Variants in GRM7 observed in about 807,000 individuals in gnomAD.
GRM7 encodes the protein glutamate metabotropic receptor 7.
In GRM7, 35 loss-of-function variants were observed where a neutral mutation model predicts 84.5. The ratio of observed to expected loss-of-function variants is 0.41; its 90% CI spans 0.32 to 0.55. GRM7 has a LOEUF of 0.55. Ranked by LOEUF, GRM7 falls within the 20% of genes least tolerant of loss-of-function variation. The pLI is 0.19. For synonymous variants in GRM7, 487 were observed against 455.1 expected, an observed-to-expected ratio of 1.07 and a Z score of -0.89; for missense variants, 1,003 against 1,194.6, an observed-to-expected ratio of 0.84 and a Z score of 2.36.
At chr3:7,589,264 A>C (rs573145518) in intron 8 of GRM7, among the ~76,000 whole-genome samples, 1 of 152,348 alleles carries the variant, frequency 6.6e-6, no homozygotes, top group Admixed American at 6.5e-5. Context: ...TACCTTGTGC[A>C]TTATGTTTTT....
chr3:6,868,659 T>C (rs1695016916), intron 1 of GRM7, among the ~76,000 whole-genome samples: 1 of 152,114 alleles, frequency 6.6e-6, no homozygotes, highest in Non-Finnish European at 1.5e-5. Flanking sequence ...TCTACAAACC[T>C]CAAGTAGGGA....
intron 1 of GRM7, among the ~76,000 whole-genome samples, chr3:7,103,014 C>G (rs1699166599): frequency 6.6e-6 from 1 of 151,662 alleles, no homozygotes; most frequent in Non-Finnish European, 1.5e-5. Context: ...ACACATTTTT[C>G]TTGCTAATGC....
At chr3:6,879,500 A>G in intron 1 of GRM7, among the ~76,000 whole-genome samples, 1 of 152,230 alleles carries the variant, frequency 6.6e-6, no homozygotes. Context: ...CTGCTTATAT[A>G]CAGGGGTAAA....
chr3:7,477,535 A>C (rs76948363), intron 7 of GRM7, among the ~76,000 whole-genome samples: 2 of 152,192 alleles, frequency 1.3e-5, no homozygotes, highest in African/African-American at 4.8e-5. Context: ...CAGAGGTAAC[A>C]GATTTAGTTG....
chr3:7,732,348 T>C (rs576588085), intron 9 of GRM7, among the ~76,000 whole-genome samples: 4 of 152,088 alleles, frequency 2.6e-5, no homozygotes, highest in Admixed American at 2.6e-4. Context: ...ATACTTAAAG[T>C]TCTAATGTCA....
chr3:7,300,983 C>T (rs974455528), intron 3 of GRM7, among the ~76,000 whole-genome samples: 2 of 152,144 alleles, frequency 1.3e-5, no homozygotes, highest in Admixed American at 1.3e-4. Flanking sequence ...CCTAATGCTT[C>T]ATATTTAATA....
At chr3:7,356,388 A>G (rs1355594011) in intron 4 of GRM7, among the ~76,000 whole-genome samples, 4 of 144,042 alleles carry the variant, frequency 2.8e-5, no homozygotes, top group Admixed American at 1.4e-4. Flanking sequence ...TGCAGCCTCT[A>G]CCTCCCAAAT....
At position 7,200,315 on chromosome 3, in the gene GRM7, A is replaced by G. The variant is rs925317416; in HGVS notation, c.736+53647A>G. 3.3e-5 allele frequency among the ~76,000 whole-genome samples: 5 copies of G among 152,340 alleles called. No individual in the cohort carries two copies. The South Asian group carries it at 1.0e-3, about 32-fold the overall frequency. On this transcript the variant is annotated intron_variant, in intron 2 of 9. Transcript: ENST00000357716. ...TGGGAACAAACCACATTCAAATCAT[A>G]GCACCTTTAAAGAAATCAGAATATC... is the stretch of plus-strand genomic sequence containing the variant.
At chr3:7,369,759 T>C (rs1694056931) in intron 4 of GRM7, among the ~76,000 whole-genome samples, 1 of 152,146 alleles carries the variant, frequency 6.6e-6, no homozygotes, top group Non-Finnish European at 1.5e-5. Flanking sequence ...CTAATACTGA[T>C]CATACTCCCT....
intron 9 of GRM7, among the ~76,000 whole-genome samples, chr3:7,701,298 ATTTTTTTT>A (rs35986412): frequency 8.3e-6 from 1 of 120,482 alleles, no homozygotes; most frequent in African/African-American, 3.2e-5. Context: ...CTGTGGTTGC[ATTTTTTTT>A]TTTTTTTTTT....
At chr3:6,992,028 A>G (rs924529174) in intron 1 of GRM7, among the ~76,000 whole-genome samples, 1 of 152,084 alleles carries the variant, frequency 6.6e-6, no homozygotes, top group Non-Finnish European at 1.5e-5. Context: ...TCACGTAAGG[A>G]CAGAAAAAAC....
chr3:7,435,050 A>AT (rs1696986152), intron 5 of GRM7, among the ~76,000 whole-genome samples: 1 of 151,706 alleles, frequency 6.6e-6, no homozygotes, highest in Non-Finnish European at 1.5e-5. Flanking sequence ...ATTTTTTTTC[A>AT]TTTTACCTAA....
chr3:7,084,648 G>A (rs1368774019), intron 1 of GRM7, among the ~76,000 whole-genome samples: 1 of 152,098 alleles, frequency 6.6e-6, no homozygotes, highest in Non-Finnish European at 1.5e-5. Flanking sequence ...TGTAGTTATT[G>A]TGATGTGTCT....
At chr3:7,292,208 CT>C (rs1699656393) in intron 2 of GRM7, among the ~76,000 whole-genome samples, 1 of 152,142 alleles carries the variant, frequency 6.6e-6, no homozygotes, top group African/African-American at 2.4e-5. Context: ...AAGTTGACCC[CT>C]CTGTTGCCTC....
intron 7 of GRM7, among the ~76,000 whole-genome samples, chr3:7,516,544 C>T (rs1007925500): frequency 4.4e-5 from 6 of 135,220 alleles, no homozygotes; most frequent in South Asian, 2.4e-4. Flanking sequence ...AGAAATGGAA[C>T]GTCAGGGGTA....
intron 1 of GRM7, among the ~76,000 whole-genome samples, chr3:7,005,616 G>A (rs890012783): frequency 6.6e-6 from 1 of 152,166 alleles, no homozygotes; most frequent in African/African-American, 2.4e-5. Context: ...ACTCCTCTGG[G>A]CAGAATTGTA....
chr3:7,595,967 T>A (rs1696023991), intron 8 of GRM7, among the ~76,000 whole-genome samples: 1 of 152,150 alleles, frequency 6.6e-6, no homozygotes, highest in African/African-American at 2.4e-5. Flanking sequence ...AAAAGACCAC[T>A]CTGTCTTGGA....
chr3:7,098,410 A>T (rs2125016646), intron 1 of GRM7, among the ~76,000 whole-genome samples: 1 of 152,076 alleles, frequency 6.6e-6, no homozygotes, highest in African/African-American at 2.4e-5. Context: ...TAAACTAGTG[A>T]CTCATAGGGT....
chr3:7,659,158 A>G (rs531698508), intron 8 of GRM7, among the ~76,000 whole-genome samples: 1 of 152,344 alleles, frequency 6.6e-6, no homozygotes, highest in African/African-American at 2.4e-5. Context: ...GCTGTAACTT[A>G]CTGAATCTTG....
Sources: gnomAD v4.1 joint callset for allele counts (sites outside exome capture counted in the v4.1 genomes callset) on GRCh38, gnomAD v4.1.1 for gene constraint, MANE v1.5 for transcripts, NCBI Gene and HGNC (gene_info 2026-07-23, HGNC 2026-07-21) for gene names.